Variants in TIAM1 observed in about 807,000 individuals in gnomAD.
The protein encoded by TIAM1 is rho guanine nucleotide exchange factor TIAM1.
In TIAM1, 65 loss-of-function variants were observed where a neutral mutation model predicts 163.5. That is an observed-to-expected ratio of 0.40 (90% CI 0.33 to 0.49). The LOEUF is 0.49. Ranked by LOEUF, TIAM1 falls within the 20% of genes least tolerant of loss-of-function variation. The pLI is 0.77. For missense variants in TIAM1, 1,789 were observed against 2,044.7 expected, an observed-to-expected ratio of 0.87 and a Z score of 2.41; for synonymous variants, 833 against 810.1, an observed-to-expected ratio of 1.03 and a Z score of -0.48.
chr21:31,342,122 AATG>A (rs1364960459), intron 1 of TIAM1, among the ~76,000 whole-genome samples: 49 of 152,180 alleles, frequency 3.2e-4, no homozygotes, highest in African/African-American at 1.1e-3. Context: ...AAACAATTTT[AATG>A]ATCTAGTATC....
chr21:31,221,725 C>T (rs1398713833), intron 8 of TIAM1, among the ~76,000 whole-genome samples: 4 of 152,160 alleles, frequency 2.6e-5, no homozygotes, highest in Admixed American at 6.5e-5. Flanking sequence ...GATGGTACCT[C>T]GATGACATCA....
At chr21:31,519,113 A>T (rs1284052923) in intron 1 of TIAM1, among the ~76,000 whole-genome samples, 1 of 152,054 alleles carries the variant, frequency 6.6e-6, no homozygotes, top group Non-Finnish European at 1.5e-5. Context: ...GTTCGAGACC[A>T]GCCTCAACAT....
intron 20 of TIAM1, among the ~76,000 whole-genome samples, chr21:31,143,479 C>T (rs1001398268): frequency 4.0e-5 from 6 of 150,504 alleles, no homozygotes; most frequent in South Asian, 4.2e-4. Flanking sequence ...CACACACACA[C>T]GTATATTTTA....
chr21:31,175,561 A>C (rs2146409512), intron 15 of TIAM1, among the ~76,000 whole-genome samples: 1 of 152,146 alleles, frequency 6.6e-6, no homozygotes, highest in East Asian at 1.9e-4. Flanking sequence ...CAAGGCCATA[A>C]ATGGGGATTT....
At chr21:31,197,967 C>A (rs760225279) in intron 12 of TIAM1, among the ~76,000 whole-genome samples, 11 of 145,666 alleles carry the variant, frequency 7.6e-5, no homozygotes, top group Non-Finnish European at 1.5e-4. Context: ...GGAACCTACC[C>A]TCTTAGGTCA....
Position 31,296,933 on chromosome 21 carries a change from GA to G in TIAM1, c.-188-20026del, listed in dbSNP as rs1196791786. On this transcript the variant is annotated intron_variant, in intron 2 of 27. Coordinates refer to ENST00000541036, the MANE Select transcript of TIAM1 (RefSeq NM_001353694.2). ...CCGCCTTGGCCTCCCAAAATGCTGG[GA>G]TTACGGGCATGAGCCACTGCATCTG... is the stretch of plus-strand genomic sequence containing the variant. Among the ~76,000 whole-genome samples, 23 of 152,282 alleles carry G rather than the reference GA, an allele frequency of 1.5e-4. No individual in the cohort carries two copies. The East Asian group carries it at 4.4e-3, about 29-fold the overall frequency.
rs1397810447 is a variant in TIAM1 at position 31,213,424 on chromosome 21, A to G, written c.2191T>C (p.Phe731Leu). ...EAVKKSLEGI[F>L]DDIVPDGKRE... ...TTGCCATCTGGAACAATGTCATCAAATATTCCCTCTAAAGATTTCTTTACA... is the reference window on the plus strand; with the variant it reads ...TTGCCATCTGGAACAATGTCATCAAGTATTCCCTCTAAAGATTTCTTTACA... Residue 731 changes from phenylalanine (F) to leucine (L), a missense_variant, in exon 10 of 28, where the codon TTT (phenylalanine) becomes CTT (leucine). Phe to Leu is a conservative substitution (Grantham distance 22). This residue lies in a region of TIAM1 where 456 missense variants were observed against 586.6 expected (regional missense o/e 0.78). Coordinates refer to ENST00000541036, the MANE Select transcript of TIAM1 (RefSeq NM_001353694.2). 1 of 1,611,456 alleles carries G rather than the reference A, an allele frequency of 6.2e-7. No individual in the cohort carries two copies. The highest frequency in any genetic ancestry group is 1.7e-5 in the Admixed American group (1 of 59,096).
chr21:31,323,230 G>A (rs995470509), intron 2 of TIAM1, among the ~76,000 whole-genome samples: 2 of 151,682 alleles, frequency 1.3e-5, no homozygotes, highest in African/African-American at 2.4e-5. Flanking sequence ...GGAGCTTGCA[G>A]TGAGCCAAGA....
At chr21:31,549,658 A>G (rs974033424) in intron 1 of TIAM1, among the ~76,000 whole-genome samples, 3 of 152,210 alleles carry the variant, frequency 2.0e-5, no homozygotes, top group Non-Finnish European at 4.4e-5. Flanking sequence ...AAAAAGACAG[A>G]CAATAACAAG....
chr21:31,469,557 G>A (rs55945696), intron 1 of TIAM1, among the ~76,000 whole-genome samples: 5,050 of 152,212 alleles, frequency 0.033, 270 homozygotes, highest in African/African-American at 0.11. Context: ...GGCCAGGCAC[G>A]GTGGCTCACG....
In TIAM1 at chr21:31,514,559, G is replaced by C. The variant is rs538477057; in HGVS notation, c.-422+44368C>G. 3.2e-3 allele frequency among the ~76,000 whole-genome samples: 480 copies of C among 151,728 alleles called. 6 individuals carry two copies. The highest frequency in any genetic ancestry group is 0.011 in the African/African-American group (456 of 41,380). Reference sequence around the variant, plus strand: ...AAAAAATAGCCAGGTGTGGTGGCAGGCACCACACCTGTAAACCCAGCTACT... The same window carrying C: ...AAAAAATAGCCAGGTGTGGTGGCAGCCACCACACCTGTAAACCCAGCTACT... On this transcript the variant is annotated intron_variant, in intron 1 of 28. Transcript: ENST00000286827.
chr21:31,543,712 G>C (rs2123284980), intron 1 of TIAM1, among the ~76,000 whole-genome samples: 1 of 152,300 alleles, frequency 6.6e-6, no homozygotes, highest in Admixed American at 6.5e-5. Context: ...TCCCCGAGGA[G>C]AAGTAACTCC....
At chr21:31,399,118 T>C (rs916495769) in intron 2 of TIAM1, among the ~76,000 whole-genome samples, 2 of 152,174 alleles carry the variant, frequency 1.3e-5, no homozygotes, top group African/African-American at 4.8e-5. Context: ...GCGGAATTGG[T>C]TGCTTTACTC....
chr21:31,323,399 C>T (rs1311856606), intron 2 of TIAM1, among the ~76,000 whole-genome samples: 2 of 151,892 alleles, frequency 1.3e-5, no homozygotes, highest in Non-Finnish European at 2.9e-5. Flanking sequence ...CCAGAAAAAA[C>T]AAAACTATTT....
At chr21:31,473,455 A>C (rs113043045) in intron 1 of TIAM1, among the ~76,000 whole-genome samples, 2,031 of 146,854 alleles carry the variant, frequency 0.014, 83 homozygotes, top group African/African-American at 0.049. Flanking sequence ...AAAAAAAAAA[A>C]AAAAAAAAAA....
intron 15 of TIAM1, among the ~76,000 whole-genome samples, chr21:31,179,443 G>A (rs1373528000): frequency 1.3e-5 from 2 of 151,592 alleles, no homozygotes; most frequent in African/African-American, 2.4e-5. Flanking sequence ...ACATAAACTG[G>A]AGGACAAAAT....
chr21:31,521,445 G>C (rs1602481186), intron 1 of TIAM1, among the ~76,000 whole-genome samples: 1 of 152,110 alleles, frequency 6.6e-6, no homozygotes, highest in East Asian at 1.9e-4. Flanking sequence ...ATACACAATT[G>C]AGTCTCTTAA....
At chr21:31,495,266 A>G (rs183602290) in intron 1 of TIAM1, among the ~76,000 whole-genome samples, 3 of 152,202 alleles carry the variant, frequency 2.0e-5, no homozygotes, top group Admixed American at 2.0e-4. Context: ...AGAGAAATTT[A>G]TTTTCTCACA....
At chr21:31,171,684 G>A (rs768595717) in intron 15 of TIAM1, among the ~76,000 whole-genome samples, 45 of 152,146 alleles carry the variant, frequency 3.0e-4, no homozygotes, top group Non-Finnish European at 5.9e-4. Flanking sequence ...CTCTTTAAGC[G>A]CAGACTTTTA....
Sources: allele counts gnomAD v4.1 joint callset (sites outside exome capture counted in the v4.1 genomes callset), GRCh38; gene constraint gnomAD v4.1.1; regional missense constraint gnomAD v4.1.1; transcripts MANE v1.5; gene names NCBI Gene and HGNC (gene_info 2026-07-23, HGNC 2026-07-21).